Variants in TNRC6A observed in about 807,000 individuals in gnomAD.
TNRC6A encodes the protein trinucleotide repeat containing adaptor 6A.
TNRC6A carries 44 observed loss-of-function variants against 221.2 expected under a neutral mutation model. That is an observed-to-expected ratio of 0.20 (90% CI 0.16 to 0.26). The LOEUF is 0.26. Ranked by LOEUF, TNRC6A falls within the 10% of genes least tolerant of loss-of-function variation. TNRC6A has a pLI of 1.00. For missense variants in TNRC6A, 2,199 were observed against 2,404.4 expected (o/e 0.91, Z 1.79); for synonymous variants, 847 against 838.5 (o/e 1.01, Z -0.18).
At chr16:24,736,459 C>T (rs1238122121) in intron 2 of TNRC6A, among the ~76,000 whole-genome samples, 1 of 152,132 alleles carries the variant, frequency 6.6e-6, no homozygotes, top group East Asian at 1.9e-4. Context: ...TGTTCTTTCA[C>T]TCAATTGCTG....
intron 2 of TNRC6A, among the ~76,000 whole-genome samples, chr16:24,695,547 G>A (rs1437824572): frequency 1.3e-5 from 2 of 151,940 alleles, no homozygotes; most frequent in Non-Finnish European, 2.9e-5. Context: ...TTACAGGCGC[G>A]CACCACCACG....
intron 2 of TNRC6A, among the ~76,000 whole-genome samples, chr16:24,749,141 T>C (rs762446457): frequency 2.0e-5 from 3 of 152,198 alleles, no homozygotes; most frequent in Non-Finnish European, 4.4e-5. Flanking sequence ...ATTTTGGTTG[T>C]TGGTATTATG....
intron 10 of TNRC6A, 33 bp from the exon 11 acceptor site, chr16:24,797,882 G>T: frequency 6.4e-7 from 1 of 1,568,878 alleles, no homozygotes; most frequent in Non-Finnish European, 8.7e-7. Context: ...GATAAATTAA[G>T]GTCTGCTAAC....
intron 2 of TNRC6A, among the ~76,000 whole-genome samples, chr16:24,693,037 A>G (rs182532409): frequency 1.1e-4 from 16 of 152,302 alleles, no homozygotes; most frequent in Non-Finnish European, 1.5e-5. Flanking sequence ...AATAAGCCGA[A>G]TAATCCTATG....
chr16:24,704,652 A>G lies in TNRC6A; in HGVS notation n.403-46074A>G, dbSNP rs187140792. Among the ~76,000 whole-genome samples, 44 of 119,534 alleles carry G rather than the reference A, an allele frequency of 3.7e-4. No individual in the cohort carries two copies. The East Asian group carries it at 0.01, about 28-fold the overall frequency. 78.4% of individuals were successfully genotyped at this position (119,534 alleles called of 152,430 possible). A position where few individuals can be genotyped will look rare whatever the true frequency, so the allele number is the denominator to read the frequency against. On this transcript the variant is annotated intron_variant and non_coding_transcript_variant, in intron 2 of 2. Coordinates refer to the TNRC6A transcript ENST00000566108. ...AGCACTCCAGCCTGGGTGACAGAAC[A>G]AGACTCCGTCTCAAAAAAAAAAAAA...
chr16:24,757,632 C>G (rs1229724932), intron 3 of TNRC6A, among the ~76,000 whole-genome samples: 1 of 152,188 alleles, frequency 6.6e-6, no homozygotes, highest in Non-Finnish European at 1.5e-5. Flanking sequence ...CTGCTGTCCT[C>G]AAGCCCCTCT....
chr16:24,779,835 A>G (rs892586828), intron 5 of TNRC6A, among the ~76,000 whole-genome samples: 10 of 152,048 alleles, frequency 6.6e-5, no homozygotes, highest in Non-Finnish European at 1.2e-4. Flanking sequence ...TGTTTGATCT[A>G]TTCGTATTTG....
At chr16:24,645,198 A>G (rs1902208857) in intron 2 of TNRC6A, among the ~76,000 whole-genome samples, 1 of 152,236 alleles carries the variant, frequency 6.6e-6, no homozygotes, top group Non-Finnish European at 1.5e-5. Flanking sequence ...GCAAAAGCAT[A>G]TCAGTTTTAA....
chr16:24,651,750 A>T (rs1050060313), intron 2 of TNRC6A, among the ~76,000 whole-genome samples: 2 of 151,162 alleles, frequency 1.3e-5, no homozygotes, highest in Non-Finnish European at 2.9e-5. Flanking sequence ...AAATAAAATA[A>T]AAATAGGCAC....
chr16:24,616,245 GA>G (rs1273026358), intron 1 of TNRC6A, among the ~76,000 whole-genome samples: 1 of 148,628 alleles, frequency 6.7e-6, no homozygotes, highest in Admixed American at 6.8e-5. Flanking sequence ...AGAATCACTT[GA>G]ACCCGGGAGG....
chr16:24,650,664 C>CA (rs1335000917), intron 2 of TNRC6A, among the ~76,000 whole-genome samples: 147 of 119,326 alleles, frequency 1.2e-3, no homozygotes, highest in Admixed American at 3.6e-3. Context: ...GACTCTGACT[C>CA]AAAAAAAAAA....
intron 17 of TNRC6A, among the ~76,000 whole-genome samples, chr16:24,807,734 T>C (rs2058464484): frequency 6.6e-6 from 1 of 152,122 alleles, no homozygotes; most frequent in South Asian, 2.1e-4. Context: ...GTCTCTTTTT[T>C]TCTTGTGCCC....
At chr16:24,710,793 C>A (rs1006165751) in intron 2 of TNRC6A, among the ~76,000 whole-genome samples, 1 of 151,560 alleles carries the variant, frequency 6.6e-6, no homozygotes, top group Non-Finnish European at 1.5e-5. Context: ...CTCACTGCAA[C>A]CTCCGCCTCC....
intron 1 of TNRC6A, among the ~76,000 whole-genome samples, chr16:24,619,233 A>G (rs1900539550): frequency 6.6e-6 from 1 of 152,154 alleles, no homozygotes; most frequent in Non-Finnish European, 1.5e-5. Flanking sequence ...GGAGTTAGTG[A>G]ATTTAGAAAA....
intron 2 of TNRC6A, among the ~76,000 whole-genome samples, chr16:24,716,637 C>T (rs992209144): frequency 5.3e-5 from 8 of 151,986 alleles, no homozygotes; most frequent in Non-Finnish European, 7.4e-5. Flanking sequence ...TGCATTCCAG[C>T]TTGGGTGACA....
intron 20 of TNRC6A, among the ~76,000 whole-genome samples, chr16:24,817,270 A>G (rs910380109): frequency 7.9e-5 from 12 of 152,236 alleles, no homozygotes; most frequent in African/African-American, 2.9e-4. Flanking sequence ...TTAATAAGTT[A>G]ACATAAAGGA....
At chr16:24,671,396 C>T (rs1407176991) in intron 2 of TNRC6A, among the ~76,000 whole-genome samples, 2 of 152,116 alleles carry the variant, frequency 1.3e-5, no homozygotes, top group Non-Finnish European at 2.9e-5. Flanking sequence ...TGCGCATTGA[C>T]GCGGCTTGGA....
At chr16:24,735,378 TTGTC>T (rs2056741789) in intron 2 of TNRC6A, among the ~76,000 whole-genome samples, 1 of 152,148 alleles carries the variant, frequency 6.6e-6, no homozygotes, top group South Asian at 2.1e-4. Context: ...TCATCAACCT[TTGTC>T]TGAAAAAAAA....
At chr16:24,692,225 A>G (rs2055769643) in intron 2 of TNRC6A, among the ~76,000 whole-genome samples, 1 of 152,082 alleles carries the variant, frequency 6.6e-6, no homozygotes, top group Non-Finnish European at 1.5e-5. Flanking sequence ...TTCTTGGTCT[A>G]TTTCTGGCCT....
Sources: gnomAD v4.1 joint callset for allele counts (sites outside exome capture counted in the v4.1 genomes callset) on GRCh38, gnomAD v4.1.1 for gene constraint, MANE v1.5 for transcripts, NCBI Gene and HGNC (gene_info 2026-07-23, HGNC 2026-07-21) for gene names.